The following TRAPPC3L variants were observed in gnomAD, a reference collection of about 807,000 sequenced individuals.
TRAPPC3L encodes the protein trafficking protein particle complex subunit 3L, also known as trafficking protein particle complex subunit 3-like protein.
TRAPPC3L carries 23 observed loss-of-function variants against 23.7 expected under a neutral mutation model. That is an observed-to-expected ratio of 0.97 (90% CI 0.70 to 1.37). The LOEUF (loss-of-function observed/expected upper bound fraction) is 1.37. Ranked by LOEUF, TRAPPC3L falls within the 40% of genes most tolerant of loss-of-function variation. The pLI is 0.00. For synonymous variants in TRAPPC3L, 81 were observed against 77.9 expected (o/e 1.04, Z -0.21); for missense variants, 212 against 216.8 (o/e 0.98, Z 0.14).
chr6:116,496,835 G>A lies in TRAPPC3L; in HGVS notation c.*119C>T. 5 of 1,327,174 alleles carry A rather than the reference G, an allele frequency of 3.8e-6. No individual in the cohort carries two copies. Among genetic ancestry groups the A allele is most frequent in the Non-Finnish European group, 4.9e-6 (5 of 1,020,328 alleles). 82.2% of individuals were successfully genotyped at this position (1,327,174 alleles called of 1,614,324 possible). ...TTCATGCCCTGCATTTCAAATTTCTGGCTGATTTATAAACCTTTCAAAGCT... is the reference window on the plus strand; with the variant it reads ...TTCATGCCCTGCATTTCAAATTTCTAGCTGATTTATAAACCTTTCAAAGCT... On this transcript the variant is annotated 3_prime_UTR_variant, in exon 5 of 5. Transcript: ENST00000368602.
rs1190124427 is a variant in TRAPPC3L, at chr6:116,500,621, T to A, written c.286A>T (p.Asn96Tyr). The change falls in exon 4 of 5, where the codon AAC becomes TAC. Residue 96 changes from asparagine to tyrosine, a missense_variant. Transcript: ENST00000368602. ...YLGITPSVTCNNSSKNEFSLI... is the reference protein window; with the variant it reads ...YLGITPSVTCYNSSKNEFSLI... ...GAAAATTCATTTTTGCTTGAATTGT[T>A]ACAGGTCACACTTGGTGTAATTCCC... is the stretch of plus-strand genomic sequence containing the variant. 1 of 1,551,530 alleles carries A rather than the reference T, an allele frequency of 6.4e-7. No homozygotes were observed. Among genetic ancestry groups the A allele is most frequent in the Non-Finnish European group, 8.7e-7 (1 of 1,146,976 alleles).
intron 3 of TRAPPC3L, among the ~76,000 whole-genome samples, chr6:116,534,187 A>T (rs951821790): frequency 2.0e-5 from 3 of 152,114 alleles, no homozygotes; most frequent in African/African-American, 7.2e-5. Context: ...TCATTTTGAA[A>T]TGATTGTGTG....
intron 3 of TRAPPC3L, among the ~76,000 whole-genome samples, chr6:116,505,400 T>A (rs1008608309): frequency 4.6e-5 from 7 of 152,158 alleles, no homozygotes; most frequent in Non-Finnish European, 7.3e-5. Context: ...CATTCCATGC[T>A]CATGGATAGA....
rs562166212 is a variant in TRAPPC3L, at chr6:116,543,229, C to T, written c.140+74G>A. On this transcript the variant is annotated intron_variant, in intron 2 of 4. Transcript: ENST00000368602. ...GCTGGTGAAATGAAGCAAAGGAAGT[C>T]ATTAGAGGCAGAAAGAATGCAGGTG... is the stretch of plus-strand genomic sequence containing the variant. The T allele has an allele frequency of 2.7e-6, 3 of 1,095,886 alleles. No individual in the cohort carries two copies. In the Admixed American group the frequency reaches 7.2e-5, roughly 26 times the overall value. The allele number at this position is 1,095,886 out of a possible 1,614,324, so 67.9% of individuals were successfully genotyped here. A position where few individuals can be genotyped will look rare whatever the true frequency, so the allele number is the denominator to read the frequency against.
At chr6:116,536,934 G>A (rs551188699) in intron 3 of TRAPPC3L, among the ~76,000 whole-genome samples, 5 of 152,306 alleles carry the variant, frequency 3.3e-5, no homozygotes, top group South Asian at 4.1e-4. Flanking sequence ...CAGGCCCGAC[G>A]TTTGGATGAA....
chr6:116,534,680 C>T (rs756561588), intron 3 of TRAPPC3L, among the ~76,000 whole-genome samples: 1 of 152,166 alleles, frequency 6.6e-6, no homozygotes, highest in Admixed American at 6.5e-5. Flanking sequence ...TTTAGGCACC[C>T]TCATTCATAT....
intron 3 of TRAPPC3L, among the ~76,000 whole-genome samples, chr6:116,503,590 C>T (rs973101978): frequency 1.3e-5 from 2 of 152,200 alleles, no homozygotes; most frequent in African/African-American, 4.8e-5. Flanking sequence ...AGCACCACAT[C>T]GCACTTATTC....
intron 3 of TRAPPC3L, chr6:116,512,127 G>C: frequency 6.2e-7 from 1 of 1,613,980 alleles, no homozygotes; most frequent in Non-Finnish European, 8.5e-7. Flanking sequence ...ATTTGCAAGG[G>C]TAAGCCCAAA....
At chr6:116,533,073 C>A (rs1772842391) in intron 3 of TRAPPC3L, among the ~76,000 whole-genome samples, 1 of 152,178 alleles carries the variant, frequency 6.6e-6, no homozygotes, top group Non-Finnish European at 1.5e-5. Context: ...AGCTTAAGGG[C>A]CAGTCTGCCA....
chr6:116,528,543 C>T (rs2115181013), intron 3 of TRAPPC3L, among the ~76,000 whole-genome samples: 1 of 152,268 alleles, frequency 6.6e-6, no homozygotes, highest in South Asian at 2.1e-4. Flanking sequence ...TGTAAGATGT[C>T]TTAAAATAAT....
chr6:116,529,226 C>G (rs191393259), intron 3 of TRAPPC3L: 2 of 152,348 alleles, frequency 1.3e-5, no homozygotes, highest in East Asian at 1.9e-4. Context: ...TCACTAGACC[C>G]TGGGGACTCT....
intron 3 of TRAPPC3L, chr6:116,512,475 G>C: frequency 2.0e-6 from 1 of 494,160 alleles, no homozygotes; most frequent in Admixed American, 3.4e-5. Context: ...CCACTGGATT[G>C]TCCACATATA....
In TRAPPC3L at chr6:116,499,512, T is replaced by A. The variant is rs183947422; in HGVS notation, c.426+969A>T. Among the ~76,000 whole-genome samples the A allele has an allele frequency of 3.9e-3, 598 of 152,338 alleles. 3 individuals carry two copies. Among genetic ancestry groups the A allele is most frequent in the African/African-American group, 0.014 (579 of 41,588 alleles). On this transcript the variant is annotated intron_variant, in intron 4 of 4. Transcript: ENST00000368602. ...AAAATCTGAATTTCCAAGCTTGTCA[T>A]ATGAATCCCTTTTCTTAAAATCAGG...
intron 3 of TRAPPC3L, chr6:116,523,390 C>T (rs1249550139): frequency 6.6e-6 from 1 of 151,862 alleles, no homozygotes; most frequent in Middle Eastern, 3.2e-3. Context: ...TTCTTTTTTC[C>T]ACTATATCTT....
intron 3 of TRAPPC3L, among the ~76,000 whole-genome samples, chr6:116,505,233 C>A (rs938758521): frequency 6.6e-6 from 1 of 152,128 alleles, no homozygotes; most frequent in Non-Finnish European, 1.5e-5. Context: ...AACAGACAAA[C>A]AGAGAGCCAA....
intron 3 of TRAPPC3L, chr6:116,512,223 A>C: frequency 2.5e-6 from 4 of 1,597,706 alleles, no homozygotes; most frequent in Non-Finnish European, 3.4e-6. Flanking sequence ...CTCTCCCTTC[A>C]GGCCCAGTCT....
Position 116,497,078 on chromosome 6 carries a change from G to A in TRAPPC3L, c.427-5C>T, listed in dbSNP as rs1247418409. ...AACATCAGCCGCCAAATGAACCTAG[G>A]AAAGAAGAAAAAAACAGGCCTGTGT... On this transcript the variant is annotated splice_region_variant and splice_polypyrimidine_tract_variant and intron_variant, in intron 4 of 4. Coordinates refer to ENST00000368602, the MANE Select transcript of TRAPPC3L (RefSeq NM_001139444.3). 7 of 1,531,372 alleles carry A rather than the reference G, an allele frequency of 4.6e-6. No homozygotes were observed. Among genetic ancestry groups the A allele is most frequent in the Admixed American group, 4.4e-5 (2 of 45,708 alleles). 94.9% of individuals were successfully genotyped at this position (1,531,372 alleles called of 1,614,324 possible). A position where few individuals can be genotyped will look rare whatever the true frequency, so the allele number is the denominator to read the frequency against.
intron 3 of TRAPPC3L, among the ~76,000 whole-genome samples, chr6:116,531,825 T>C (rs746547910): frequency 2.7e-5 from 4 of 150,808 alleles, no homozygotes; most frequent in Non-Finnish European, 5.9e-5. Flanking sequence ...TAATAAATAA[T>C]GGAAAAAACA....
intron 3 of TRAPPC3L, among the ~76,000 whole-genome samples, chr6:116,532,210 G>A (rs1772770626): frequency 6.6e-6 from 1 of 152,202 alleles, no homozygotes; most frequent in Admixed American, 6.5e-5. Flanking sequence ...CAGACTAGGA[G>A]GAGCAACAGG....
Sources: allele counts gnomAD v4.1 joint callset (sites outside exome capture counted in the v4.1 genomes callset), GRCh38; gene constraint gnomAD v4.1.1; transcripts MANE v1.5; gene names NCBI Gene and HGNC (gene_info 2026-07-23, HGNC 2026-07-21).